Variants in NRDC observed in about 807,000 individuals in gnomAD.
NRDC encodes nardilysin.
NRDC carries 54 observed loss-of-function variants against 147.1 expected under a neutral mutation model. The observed-to-expected ratio is 0.37, with a 90% CI of 0.29 to 0.46. The LOEUF (loss-of-function observed/expected upper bound fraction) is 0.46, where lower values mean the gene tolerates loss of function less well. Ranked by LOEUF, NRDC falls within the 20% of genes least tolerant of loss-of-function variation. The pLI is 1.00. For missense variants in NRDC, 1,082 were observed against 1,370.6 expected (o/e 0.79, Z 3.33); for synonymous variants, 440 against 482.1 (o/e 0.91, Z 1.14).
At chr1:51,872,680 G>A (rs1683138915) in intron 1 of NRDC, among the ~76,000 whole-genome samples, 1 of 152,044 alleles carries the variant, frequency 6.6e-6, no homozygotes. Context: ...CTCCAGCCTG[G>A]GTGACAGACC....
At chr1:51,810,169 T>C (rs977206699) in intron 16 of NRDC, 112 bp downstream of exon 16, 1 of 732,534 alleles carries the variant, frequency 1.4e-6, no homozygotes, top group African/African-American at 1.8e-5. Flanking sequence ...AAAGTGAACT[T>C]TTTAAAAAAT....
Position 51,800,693 on chromosome 1 carries a change from AAAG to A in NRDC, c.2314-13_2314-11del, listed in dbSNP as rs1679152125. 6.2e-7 allele frequency: 1 copy of A among 1,609,986 alleles called. No individual in the cohort carries two copies. Among genetic ancestry groups the A allele is most frequent in the Non-Finnish European group, 8.5e-7 (1 of 1,178,548 alleles). On this transcript the variant is annotated splice_polypyrimidine_tract_variant and intron_variant, in intron 20 of 30. Coordinates refer to ENST00000352171, the MANE Select transcript of NRDC (RefSeq NM_001101662.2). ...TGAGCTGAAACAGTAGCTAAAAGAA[AAAG>A]AAGGAAGCATTTTAAGAAGCATGGA...
chr1:51,869,539 T>C (rs891139684), intron 1 of NRDC, among the ~76,000 whole-genome samples: 1 of 152,192 alleles, frequency 6.6e-6, no homozygotes, highest in Non-Finnish European at 1.5e-5. Context: ...CTAGTTTTCA[T>C]TCAACAATAA....
intron 16 of NRDC, 96 bp downstream of exon 16, chr1:51,810,185 T>A (rs563502169): frequency 1.2e-6 from 1 of 867,224 alleles, no homozygotes; most frequent in African/African-American, 1.8e-5. Flanking sequence ...AAAATTATAC[T>A]TTTTCCCCCT....
chr1:51,814,420 T>G lies in NRDC; in HGVS notation c.1619+131A>C, dbSNP rs1679866203. 34 of 772,442 alleles carry G rather than the reference T, an allele frequency of 4.4e-5. No homozygotes were observed. In the South Asian group the frequency reaches 5.8e-4, roughly 13 times the overall value. The allele number at this position is 772,442 out of a possible 1,614,324, so 47.8% of individuals were successfully genotyped here. A position where few individuals can be genotyped will look rare whatever the true frequency, so the allele number is the denominator to read the frequency against. On this transcript the variant is annotated intron_variant, in intron 13 of 30. Coordinates refer to ENST00000352171, the MANE Select transcript of NRDC (RefSeq NM_001101662.2). ...CATGTAGAGGGATAAGGATATGGAG[T>G]CAATAAAGGAAATAGAGCAGAAAAT...
At chr1:51,835,889 C>T (rs1680946481) in intron 3 of NRDC, among the ~76,000 whole-genome samples, 2 of 152,328 alleles carry the variant, frequency 1.3e-5, no homozygotes, top group Middle Eastern at 3.4e-3. Context: ...CTTAACATAG[C>T]TCAACAATAG....
At position 51,800,654 on chromosome 1, in the gene NRDC, T is replaced by G; in HGVS notation, c.2343A>C (p.Leu781Phe). The change falls in exon 21 of 31, where the codon TTA becomes TTC. Residue 781 changes from leucine to phenylalanine, a missense_variant. Leu to Phe is a conservative substitution (Grantham distance 22). This residue lies in a region of NRDC where 635 missense variants were observed against 923.8 expected (regional missense o/e 0.69). Coordinates refer to ENST00000352171, the MANE Select transcript of NRDC (RefSeq NM_001101662.2). Reference sequence around the variant, plus strand: ...CAGCTGGTGTGGAATTGAACTCAGCTAAGTAGTCAATAATGAGCTGAAACA... The same window carrying G: ...CAGCTGGTGTGGAATTGAACTCAGCGAAGTAGTCAATAATGAGCTGAAACA... ...PLLFQLIIDY[L>F]AEFNSTPAVF... 6.2e-7 allele frequency: 1 copy of G among 1,613,876 alleles called. No homozygotes were observed. Among genetic ancestry groups the G allele is most frequent in the Non-Finnish European group, 8.5e-7 (1 of 1,179,900 alleles).
At chr1:51,824,743 C>A (rs1680370541) in intron 6 of NRDC, among the ~76,000 whole-genome samples, 1 of 152,218 alleles carries the variant, frequency 6.6e-6, no homozygotes, top group African/African-American at 2.4e-5. Flanking sequence ...AGAGCACAGA[C>A]TTTATAATCA....
chr1:51,830,356 TG>T (rs1230274085), intron 4 of NRDC, among the ~76,000 whole-genome samples: 2 of 152,232 alleles, frequency 1.3e-5, no homozygotes, highest in Non-Finnish European at 2.9e-5. Context: ...TTGTGTTATC[TG>T]TTCTCAATCA....
chr1:51,837,583 G>A, intron 2 of NRDC: 1 of 1,592,330 alleles, frequency 6.3e-7, no homozygotes, highest in East Asian at 2.2e-5. Context: ...CAGTCTATCA[G>A]TCAGCTTTGA....
intron 1 of NRDC, chr1:51,877,935 C>A (rs1683414354): frequency 2.2e-6 from 2 of 911,438 alleles, no homozygotes; most frequent in Non-Finnish European, 2.8e-6. Flanking sequence ...ATTAAAGTAT[C>A]CAACTCCGTC....
At chr1:51,835,219 G>A (rs1680896991) in intron 3 of NRDC, among the ~76,000 whole-genome samples, 1 of 151,824 alleles carries the variant, frequency 6.6e-6, no homozygotes, top group Non-Finnish European at 1.5e-5. Flanking sequence ...GCGCCACCAT[G>A]CCCGGCTAAT....
chr1:51,789,458 G>T (rs1396052160), intron 30 of NRDC, 25 bp from the exon 31 acceptor site: 1 of 1,612,036 alleles, frequency 6.2e-7, no homozygotes, highest in Non-Finnish European at 8.5e-7. Context: ...AGACAAAAGT[G>T]AAAAATATGC....
chr1:51,790,741 A>G (rs1398027268), intron 28 of NRDC, 92 bp from the exon 29 acceptor site: 5 of 1,018,856 alleles, frequency 4.9e-6, no homozygotes, highest in East Asian at 4.8e-5. Context: ...CTTGTGATGG[A>G]CATGCCAGTA....
intron 15 of NRDC, among the ~76,000 whole-genome samples, chr1:51,811,339 G>A (rs1322036974): frequency 6.6e-6 from 1 of 152,146 alleles, no homozygotes; most frequent in African/African-American, 2.4e-5. Context: ...ATAGGACATT[G>A]AGCAGCATCC....
intron 2 of NRDC, among the ~76,000 whole-genome samples, chr1:51,839,423 T>C (rs1681154757): frequency 6.6e-6 from 1 of 152,062 alleles, no homozygotes; most frequent in Non-Finnish European, 1.5e-5. Flanking sequence ...TCTCGGCCTC[T>C]TTGTATGTAG....
intron 1 of NRDC, among the ~76,000 whole-genome samples, chr1:51,864,755 C>G (rs185006278): frequency 6.6e-6 from 1 of 152,050 alleles, no homozygotes; most frequent in African/African-American, 2.4e-5. Context: ...ACTTCGAGAC[C>G]AGCCTGGCCA....
chr1:51,791,926 A>G (rs1465197077), intron 26 of NRDC, 120 bp downstream of exon 26: 7 of 1,020,998 alleles, frequency 6.9e-6, no homozygotes, highest in African/African-American at 1.6e-5. Flanking sequence ...ATGACTAAAT[A>G]TCACCCTATG....
At chr1:51,823,872 A>G in intron 6 of NRDC, 86 bp from the exon 7 acceptor site, 1 of 869,322 alleles carries the variant, frequency 1.2e-6, no homozygotes, top group Non-Finnish European at 1.7e-6. Flanking sequence ...TTTTGCTACC[A>G]TACATGATTA....
Sources: allele counts gnomAD v4.1 joint callset (sites outside exome capture counted in the v4.1 genomes callset), GRCh38; gene constraint gnomAD v4.1.1; regional missense constraint gnomAD v4.1.1; transcripts MANE v1.5; gene names NCBI Gene and HGNC (gene_info 2026-07-23, HGNC 2026-07-21).